KMT2A: variants seen among roughly 807,000 people sequenced by gnomAD.
KMT2A encodes the protein histone-lysine N-methyltransferase 2A.
Under a neutral mutation model 345.3 loss-of-function variants are expected in KMT2A, and 16 were observed. That is an observed-to-expected ratio of 0.05 (90% confidence interval 0.03 to 0.07). The LOEUF is 0.07. Ranked by LOEUF, KMT2A falls within the 10% of genes least tolerant of loss-of-function variation. KMT2A has a pLI of 1.00. For missense variants in KMT2A, 3,272 were observed against 4,841.6 expected (o/e 0.68, Z 9.62); for synonymous variants, 1,599 against 1,778.6 (o/e 0.90, Z 2.54).
chr11:118,507,950 A>C (rs961233665), intron 28 of KMT2A, among the ~76,000 whole-genome samples: 1 of 152,174 alleles, frequency 6.6e-6, no homozygotes, highest in East Asian at 1.9e-4. Flanking sequence ...GCGATAGAGC[A>C]AGACTCCGTT....
chr11:118,493,656 A>G lies in KMT2A; in HGVS notation c.5178+426A>G, dbSNP rs1466257942. ...TTATGATTTTAAGTATGTATAGGAA[A>G]TGATTATTTATTATCTCATGATCTA... On this transcript the variant is annotated intron_variant, in intron 16 of 35. Transcript: ENST00000534358. This position sits in a 1 kb window ranked among gnomAD's most constrained non-coding sequence, Gnocchi z 5.8. Among the ~76,000 whole-genome samples, 1 of 152,106 alleles carries G rather than the reference A, an allele frequency of 6.6e-6. No homozygotes were observed. The highest frequency in any genetic ancestry group is 2.4e-5 in the African/African-American group (1 of 41,436).
At chr11:118,518,139 A>G (rs782811073) in intron 31 of KMT2A, among the ~76,000 whole-genome samples, 1 of 152,204 alleles carries the variant, frequency 6.6e-6, no homozygotes, top group South Asian at 2.1e-4. Flanking sequence ...TTCTATATCT[A>G]TTAATAATAC....
intron 4 of KMT2A, among the ~76,000 whole-genome samples, chr11:118,477,506 T>TTC (rs1950059979): frequency 9.6e-6 from 1 of 103,740 alleles, no homozygotes; most frequent in Non-Finnish European, 1.9e-5. Context: ...GGCTTTTTTT[T>TTC]TTTTTTTTTT....
At position 118,524,985 on chromosome 11, in the gene KMT2A, C is replaced by T. The variant is rs1243955928; in HGVS notation, c.*2813C>T. 1 of 211,708 alleles carries T rather than the reference C, an allele frequency of 4.7e-6. No homozygotes were observed. The highest frequency in any genetic ancestry group is 2.3e-5 in the African/African-American group (1 of 44,048). The allele number at this position is 211,708 out of a possible 1,614,324, so 13.1% of individuals were successfully genotyped here. ...TGCCTTTCCACCCCCTAATTGTCAA[C>T]CACAAAAATGAGAAATTCCTCTTCT... is the stretch of plus-strand genomic sequence containing the variant. On this transcript the variant is annotated 3_prime_UTR_variant, in exon 36 of 36. Coordinates refer to ENST00000534358, the MANE Select transcript of KMT2A (RefSeq NM_001197104.2).
In KMT2A at chr11:118,505,273, C is replaced by T. The variant is rs2134404864; in HGVS notation, c.9381C>T (p.Pro3127=). 6.2e-7 allele frequency: 1 copy of T among 1,614,182 alleles called. No individual in the cohort carries two copies. The highest frequency in any genetic ancestry group is 1.6e-4 in the Middle Eastern group (1 of 6,062). ...AGACAAATACTTCAGTATTGGGACC[C>T]ATGGGAGGTGGTCTCACCCTTACCA... ...VMETNTSVLG[P]MGGGLTLTTG... Residue 3127 remains proline (P), a synonymous_variant, in exon 27 of 36, where the codon CCC becomes CCT. Transcript: ENST00000534358. This position sits in a 1 kb window ranked among gnomAD's most constrained non-coding sequence, Gnocchi z 4.6.
chr11:118,492,611 G>A lies in KMT2A; in HGVS notation c.5005-446G>A, dbSNP rs9332814. Among the ~76,000 whole-genome samples, 1,096 of 152,326 alleles carry A rather than the reference G, an allele frequency of 7.2e-3. 9 individuals are homozygous for A. Among genetic ancestry groups the A allele is most frequent in the South Asian group, 0.013 (62 of 4,830 alleles). ...GGAGAATGGCGTGAACCTGGGCGGC[G>A]GAGCTTGCAGTAAGCCGAGATCGCG... On this transcript the variant is annotated intron_variant, in intron 15 of 35. Coordinates refer to ENST00000534358, the MANE Select transcript of KMT2A (RefSeq NM_001197104.2).
chr11:118,480,096 G>A, intron 5 of KMT2A, 78 bp from the exon 6 acceptor site: 1 of 1,105,906 alleles, frequency 9.0e-7, no homozygotes, highest in Non-Finnish European at 1.4e-6. Context: ...ACTGATTGTT[G>A]CAGACAAAAT....
intron 1 of KMT2A, chr11:118,448,661 A>G (rs1949470368): frequency 6.6e-6 from 1 of 152,138 alleles, no homozygotes; most frequent in Admixed American, 6.5e-5. Context: ...TTGTGTATGA[A>G]TTCCTTCTTT....
Position 118,489,902 on chromosome 11 carries a change from T to TGATG in KMT2A, c.4575+16_4575+19dup. 4 of 1,604,758 alleles carry TGATG rather than the reference T, an allele frequency of 2.5e-6. No individual in the cohort carries two copies. Among genetic ancestry groups the TGATG allele is most frequent in the Non-Finnish European group, 3.4e-6 (4 of 1,171,544 alleles). ...AGAAAGTCTGGGTGAGTTATACACA[T>TGATG]GATGCTCTTTTATAGAGAACCACCA... On this transcript the variant is annotated intron_variant, in intron 12 of 35. Transcript: ENST00000534358.
chr11:118,518,199 AAAG>A (rs1950865682), intron 31 of KMT2A, among the ~76,000 whole-genome samples: 1 of 152,258 alleles, frequency 6.6e-6, no homozygotes, highest in South Asian at 2.1e-4. Flanking sequence ...ATAAAAATGT[AAAG>A]AACATTAGCT....
chr11:118,446,149 G>A (rs1949416699), intron 1 of KMT2A, among the ~76,000 whole-genome samples: 1 of 152,072 alleles, frequency 6.6e-6, no homozygotes, highest in Non-Finnish European at 1.5e-5. Flanking sequence ...AGGAGTTTGA[G>A]ACCAGCCTGG....
chr11:118,514,408 C>T (rs1272206064), intron 31 of KMT2A, among the ~76,000 whole-genome samples: 1 of 151,692 alleles, frequency 6.6e-6, no homozygotes, highest in Non-Finnish European at 1.5e-5. Context: ...AGCCACACTA[C>T]ACTATTTACT....
Position 118,491,134 on chromosome 11 carries a change from A to C in KMT2A, c.4697-62A>C. ...AGATTGGGTTGGTAAATGCAAGTCG[A>C]GGGCCGTAAAAACACGGGTATGTGA... On this transcript the variant is annotated intron_variant, in intron 13 of 35. Coordinates refer to ENST00000534358, the MANE Select transcript of KMT2A (RefSeq NM_001197104.2). This position sits in a 1 kb window ranked among gnomAD's most constrained non-coding sequence, Gnocchi z 4.2. 2 of 1,580,268 alleles carry C rather than the reference A, an allele frequency of 1.3e-6. No individual in the cohort carries two copies. The highest frequency in any genetic ancestry group is 1.7e-6 in the Non-Finnish European group (2 of 1,161,312).
At chr11:118,485,597 G>A (rs1434805457) in intron 10 of KMT2A, among the ~76,000 whole-genome samples, 8 of 152,220 alleles carry the variant, frequency 5.3e-5, no homozygotes, top group Non-Finnish European at 8.8e-5. Flanking sequence ...GAATTATTTG[G>A]AAATATATAT....
rs1951073151 is a variant in KMT2A, at chr11:118,525,951, T to C, written c.*3779T>C. The C allele has an allele frequency of 1.8e-5, 4 of 222,982 alleles. No individual in the cohort carries two copies. Among genetic ancestry groups the C allele is most frequent in the Middle Eastern group, 1.3e-3 (1 of 754 alleles). 13.8% of individuals were successfully genotyped at this position (222,982 alleles called of 1,614,324 possible). ...CACACACTCTGGAAACTTGCAACTTTTTGTTTGTTTTGGTTTTCAAATAAA... is the reference window on the plus strand; with the variant it reads ...CACACACTCTGGAAACTTGCAACTTCTTGTTTGTTTTGGTTTTCAAATAAA... On this transcript the variant is annotated 3_prime_UTR_variant, in exon 36 of 36. Transcript: ENST00000534358.
At chr11:118,519,235 T>C in intron 31 of KMT2A, 1 of 177,506 alleles carries the variant, frequency 5.6e-6, no homozygotes, top group Non-Finnish European at 1.2e-5. Context: ...CTTGGGAGTG[T>C]TACATCAGTT....
chr11:118,483,496 G>A (rs1017862262), intron 8 of KMT2A, among the ~76,000 whole-genome samples: 2 of 152,188 alleles, frequency 1.3e-5, no homozygotes, highest in Non-Finnish European at 2.9e-5. Flanking sequence ...TCGCGCCACT[G>A]CACTCCAGCT....
chr11:118,520,313 G>T lies in KMT2A; in HGVS notation c.11429+249G>T. 1 of 484,056 alleles carries T rather than the reference G, an allele frequency of 2.1e-6. No individual in the cohort carries two copies. The highest frequency in any genetic ancestry group is 2.8e-5 in the South Asian group (1 of 35,352). The allele number at this position is 484,056 out of a possible 1,614,324, so 30.0% of individuals were successfully genotyped here. ...ATAGTATACTCTGTCAGCTTTGGTTGTACCACCATAGTTGTCATGGTCAGA... is the reference window on the plus strand; with the variant it reads ...ATAGTATACTCTGTCAGCTTTGGTTTTACCACCATAGTTGTCATGGTCAGA... On this transcript the variant is annotated intron_variant, in intron 33 of 35. Coordinates refer to ENST00000534358, the MANE Select transcript of KMT2A (RefSeq NM_001197104.2). The surrounding 1 kb of genome is among the most constrained non-coding windows in gnomAD (Gnocchi z 4.3).
chr11:118,458,064 G>C, intron 1 of KMT2A: 1 of 265,882 alleles, frequency 3.8e-6, no homozygotes, highest in Non-Finnish European at 7.8e-6. Context: ...ATTTTTTTTT[G>C]AGATGCTTTC....
Sources: allele counts gnomAD v4.1 joint callset (sites outside exome capture counted in the v4.1 genomes callset), GRCh38; gene constraint gnomAD v4.1.1; non-coding constraint Gnocchi (gnomAD v3.1); transcripts MANE v1.5; gene names NCBI Gene and HGNC (gene_info 2026-07-23, HGNC 2026-07-21).